The following TPTE2 variants were observed in gnomAD, a reference collection of about 807,000 sequenced individuals.
TPTE2 encodes the protein transmembrane phosphoinositide 3-phosphatase and tensin homolog 2, also known as phosphatidylinositol 3,4,5-trisphosphate 3-phosphatase TPTE2.
In TPTE2, 53 loss-of-function variants were observed where a neutral mutation model predicts 78.6. The observed-to-expected ratio is 0.67, with a 90% CI of 0.54 to 0.85. The LOEUF (loss-of-function observed/expected upper bound fraction) is 0.85. TPTE2 is among the 40% of genes least tolerant of loss of function. The pLI is 0.00. For missense variants in TPTE2, 461 were observed against 623.0 expected (o/e 0.74, Z 2.77); for synonymous variants, 175 against 206.2 (o/e 0.85, Z 1.30).
At chr13:19,551,297 A>ACCAGGCC in the TPTE2 span, among the ~76,000 whole-genome samples, 1 of 152,162 alleles carries the variant, frequency 6.6e-6, no homozygotes, top group African/African-American at 2.4e-5. Context: ...CAGGTACAAT[A>ACCAGGCC]TGAATATACA....
In TPTE2 at chr13:19,535,890, C is replaced by T. The variant is rs1456491137; in HGVS notation, c.-44+706G>A. On this transcript the variant is annotated intron_variant, in intron 1 of 17. Transcript: ENST00000390680. The surrounding 1 kb of genome is among the most constrained non-coding windows in gnomAD (Gnocchi z 5.1). ...GCCTCAAGTGATCTGCCTGCCTTGG[C>T]CTCCCAAAGTGCTGGGATTACAGGT... Among the ~76,000 whole-genome samples the T allele has an allele frequency of 6.6e-6, 1 of 152,136 alleles. No individual in the cohort carries two copies. The highest frequency in any genetic ancestry group is 1.5e-5 in the Non-Finnish European group (1 of 68,028).
At chr13:19,530,821 G>A (rs1309276028) in intron 1 of TPTE2, among the ~76,000 whole-genome samples, 3 of 152,020 alleles carry the variant, frequency 2.0e-5, no homozygotes, top group South Asian at 2.1e-4. Context: ...CACCTTGCCC[G>A]GCCCTAAATT....
At chr13:19,546,381 A>G in the TPTE2 span, among the ~76,000 whole-genome samples, 1 of 151,588 alleles carries the variant, frequency 6.6e-6, no homozygotes, top group Non-Finnish European at 1.5e-5. Context: ...ACAGTAGCTC[A>G]CGCCTGTAAT....
intron 9 of TPTE2, 122 bp from the exon 13 acceptor site, chr13:19,464,642 G>A (rs1428449915): frequency 2.0e-5 from 20 of 996,032 alleles, no homozygotes; most frequent in Middle Eastern, 2.8e-4. Flanking sequence ...AATTGAGGTT[G>A]ACAGAAAAGA....
At chr13:19,456,439 C>T (rs1878539759) in intron 10 of TPTE2, among the ~76,000 whole-genome samples, 1 of 152,144 alleles carries the variant, frequency 6.6e-6, no homozygotes, top group African/African-American at 2.4e-5. Context: ...CCTGTGGTGA[C>T]AGAGCAAGGC....
chr13:19,496,156 G>A lies in TPTE2; in HGVS notation c.12-2655C>T, dbSNP rs551662532. The stretch of plus-strand genomic sequence containing the variant: ...GCTGGGACTACAGGCCTGAGCCACC[G>A]CACCCGACCTTCCAACTACTTTTCA... On this transcript the variant is annotated intron_variant, in intron 1 of 19. Coordinates refer to ENST00000400230, the Ensembl canonical transcript of TPTE2. Among the ~76,000 whole-genome samples the A allele has an allele frequency of 4.6e-5, 7 of 152,240 alleles. No homozygotes were observed. The East Asian group carries it at 7.7e-4, about 17-fold the overall frequency.
chr13:19,464,592 A>T (rs1328505011), intron 9 of TPTE2, 72 bp from the exon 13 acceptor site: 2 of 1,496,258 alleles, frequency 1.3e-6, no homozygotes, highest in African/African-American at 2.8e-5. Flanking sequence ...ATTAATTTAT[A>T]CATGATCAGA....
chr13:19,530,690 G>A lies in TPTE2; in HGVS notation c.-44+5906C>T, dbSNP rs559536580. Reference sequence around the variant, plus strand: ...CTCCTGAGTAGCTGGGACCATAGGCGCACACCATTTGTTTTTAAGAGATGG... The same window carrying A: ...CTCCTGAGTAGCTGGGACCATAGGCACACACCATTTGTTTTTAAGAGATGG... On this transcript the variant is annotated intron_variant, in intron 1 of 17. Coordinates refer to the TPTE2 transcript ENST00000390680. Among the ~76,000 whole-genome samples, 13 of 152,010 alleles carry A rather than the reference G, an allele frequency of 8.6e-5. No individual in the cohort carries two copies. The East Asian group carries it at 9.7e-4, about 11-fold the overall frequency.
chr13:19,526,723 G>A (rs1205379638), intron 1 of TPTE2, among the ~76,000 whole-genome samples: 1 of 146,672 alleles, frequency 6.8e-6, no homozygotes, highest in African/African-American at 2.5e-5. Context: ...TAAAATAAAA[G>A]TTAAAAATTA....
intron 19 of TPTE2, among the ~76,000 whole-genome samples, chr13:19,424,566 C>T (rs971589347): frequency 9.2e-5 from 14 of 152,178 alleles, no homozygotes; most frequent in East Asian, 7.7e-4. Context: ...TACTTTAGCA[C>T]AAAAGTTGAT....
intron 15 of TPTE2, 64 bp downstream of exon 18, chr13:19,436,162 A>G (rs1224590358): frequency 2.2e-6 from 3 of 1,372,302 alleles, no homozygotes; most frequent in Non-Finnish European, 2.0e-6. Context: ...ATGAAACCAA[A>G]TAACAGGTGG....
intron 1 of TPTE2, among the ~76,000 whole-genome samples, chr13:19,511,999 T>C (rs1489817913): frequency 6.6e-6 from 1 of 152,200 alleles, no homozygotes; most frequent in African/African-American, 2.4e-5. Flanking sequence ...AGACTGAAAG[T>C]ATCTCCCCCC....
intron 4 of TPTE2, 63 bp downstream of exon 7, chr13:19,482,425 T>C: frequency 6.3e-7 from 1 of 1,575,562 alleles, no homozygotes; most frequent in Non-Finnish European, 8.6e-7. Flanking sequence ...GCGGAAGCCC[T>C]GTTTCACTAA....
chr13:19,462,125 G>C (rs2092010703), intron 10 of TPTE2, among the ~76,000 whole-genome samples: 1 of 150,092 alleles, frequency 6.7e-6, no homozygotes, highest in Admixed American at 6.6e-5. Flanking sequence ...TTTGTGGTTT[G>C]GTCATTTTCT....
chr13:19,462,339 C>A (rs1878975840), intron 10 of TPTE2, among the ~76,000 whole-genome samples: 1 of 151,830 alleles, frequency 6.6e-6, no homozygotes, highest in Non-Finnish European at 1.5e-5. Context: ...TTATTTCTCC[C>A]TCATTTCTAG....
intron 1 of TPTE2, among the ~76,000 whole-genome samples, chr13:19,497,638 A>T (rs927395325): frequency 9.0e-5 from 12 of 133,784 alleles, no homozygotes; most frequent in Admixed American, 6.4e-4. Context: ...TCCACACCAA[A>T]AACCCATCTG....
chr13:19,560,832 G>A, the TPTE2 span: 664 of 1,536,176 alleles, frequency 4.3e-4, 1 homozygote, highest in South Asian at 7.4e-4. Context: ...GTCCAGGCGC[G>A]CTCCCGCAGG....
At chr13:19,524,149 G>C (rs2451078) in intron 1 of TPTE2, among the ~76,000 whole-genome samples, 142,104 of 152,238 alleles carry the variant, frequency 0.93, 66,624 homozygotes, top group East Asian at 1. Flanking sequence ...ACAAAGTAGG[G>C]AACTGAGTCT....
intron 4 of TPTE2, among the ~76,000 whole-genome samples, chr13:19,481,686 G>A (rs1048718409): frequency 2.2e-4 from 33 of 152,326 alleles, no homozygotes; most frequent in African/African-American, 7.0e-4. Flanking sequence ...TACAGAAAAC[G>A]TATAGCTAAT....
Sources: allele counts gnomAD v4.1 joint callset (sites outside exome capture counted in the v4.1 genomes callset), GRCh38; gene constraint gnomAD v4.1.1; non-coding constraint Gnocchi (gnomAD v3.1); transcripts MANE v1.5; gene names NCBI Gene and HGNC (gene_info 2026-07-23, HGNC 2026-07-21).